The following MTDH variants were observed in gnomAD, a reference collection of about 807,000 sequenced individuals.
MTDH encodes metadherin.
A neutral mutation model predicts 72.7 loss-of-function variants in MTDH; 34 were observed. The ratio of observed to expected loss-of-function variants is 0.47; its 90% confidence interval spans 0.36 to 0.62. The LOEUF is 0.62. Among genes scored for constraint, MTDH ranks in the 20% least tolerant of loss-of-function variants. The probability of loss-of-function intolerance (pLI) is 0.00; values close to 1 mark genes in which losing one functional copy is unlikely to be tolerated. For synonymous variants in MTDH, 266 were observed against 268.9 expected, an observed-to-expected ratio of 0.99 and a Z score of 0.10; for missense variants, 677 against 699.4, an observed-to-expected ratio of 0.97 and a Z score of 0.36.
chr8:97,709,084 A>G (rs1417245225), intron 8 of MTDH, among the ~76,000 whole-genome samples: 1 of 151,238 alleles, frequency 6.6e-6, no homozygotes, highest in African/African-American at 2.4e-5. Context: ...CCATCTACTC[A>G]TGAGGCTGAC....
chr8:97,700,750 C>T (rs906251671), intron 7 of MTDH, among the ~76,000 whole-genome samples: 3 of 152,222 alleles, frequency 2.0e-5, no homozygotes, highest in Non-Finnish European at 4.4e-5. Context: ...GGAAAGTTAT[C>T]TAGCTTTTCC....
At chr8:97,701,685 T>C (rs1015427044) in intron 7 of MTDH, among the ~76,000 whole-genome samples, 1 of 152,154 alleles carries the variant, frequency 6.6e-6, no homozygotes, top group Non-Finnish European at 1.5e-5. Context: ...TATAGGAAAA[T>C]AGCAGTAAGG....
intron 8 of MTDH, among the ~76,000 whole-genome samples, chr8:97,709,203 A>G (rs1179510659): frequency 6.6e-6 from 1 of 152,038 alleles, no homozygotes; most frequent in African/African-American, 2.4e-5. Flanking sequence ...CAAAAAAAAA[A>G]AAAAAACCAC....
intron 2 of MTDH, among the ~76,000 whole-genome samples, chr8:97,670,258 G>A (rs932367472): frequency 6.6e-6 from 1 of 152,258 alleles, no homozygotes; most frequent in African/African-American, 2.4e-5. Flanking sequence ...GGAGCCTGTA[G>A]TGAGCTGAGA....
At chr8:97,692,417 C>A in intron 6 of MTDH, among the ~76,000 whole-genome samples, 1 of 151,598 alleles carries the variant, frequency 6.6e-6, no homozygotes, top group African/African-American at 2.4e-5. Flanking sequence ...GTCGCTGTCA[C>A]GCTGGAGTGC....
intron 11 of MTDH, among the ~76,000 whole-genome samples, chr8:97,723,928 C>T (rs1265690254): frequency 2.0e-5 from 3 of 150,520 alleles, no homozygotes; most frequent in East Asian, 4.0e-4. Flanking sequence ...GCCAACATGG[C>T]GAAACCCCGT....
chr8:97,677,054 A>G (rs1487908739), intron 2 of MTDH, among the ~76,000 whole-genome samples: 3 of 146,014 alleles, frequency 2.1e-5, no homozygotes, highest in Admixed American at 1.4e-4. Context: ...ATGATGACGC[A>G]TGCCTATAGT....
chr8:97,680,360 A>G (rs1239686136), intron 2 of MTDH, among the ~76,000 whole-genome samples: 1 of 152,248 alleles, frequency 6.6e-6, no homozygotes, highest in East Asian at 1.9e-4. Flanking sequence ...AGCATGTACC[A>G]CCGCACCCAG....
At chr8:97,650,272 T>C (rs1811719384) in intron 1 of MTDH, among the ~76,000 whole-genome samples, 1 of 151,042 alleles carries the variant, frequency 6.6e-6, no homozygotes. Flanking sequence ...TTTTCTTATT[T>C]TTATTTTTAA....
At chr8:97,720,892 G>A (rs964620595) in intron 10 of MTDH, among the ~76,000 whole-genome samples, 3 of 151,772 alleles carry the variant, frequency 2.0e-5, no homozygotes, top group African/African-American at 7.3e-5. Context: ...GACCTCAAGT[G>A]ATCCGCCTGC....
intron 2 of MTDH, among the ~76,000 whole-genome samples, chr8:97,680,616 T>C (rs1209650736): frequency 2.0e-5 from 3 of 152,218 alleles, no homozygotes; most frequent in Non-Finnish European, 4.4e-5. Flanking sequence ...ATCTGTATTA[T>C]GTATATGAGA....
At chr8:97,718,951 C>T (rs911344234) in intron 9 of MTDH, 98 bp from the exon 10 acceptor site, 92 of 1,135,310 alleles carry the variant, frequency 8.1e-5, no homozygotes, top group Middle Eastern at 2.5e-4. Flanking sequence ...CCACCTCCGC[C>T]TCCCAGAGTG....
At chr8:97,673,000 C>T (rs1440897708) in intron 2 of MTDH, among the ~76,000 whole-genome samples, 4 of 151,890 alleles carry the variant, frequency 2.6e-5, no homozygotes, top group African/African-American at 7.3e-5. Flanking sequence ...GTGGAGGGAC[C>T]GAATAAGAGT....
intron 1 of MTDH, among the ~76,000 whole-genome samples, chr8:97,651,957 T>C (rs1811789109): frequency 6.6e-6 from 1 of 152,144 alleles, no homozygotes; most frequent in Non-Finnish European, 1.5e-5. Flanking sequence ...TCTAATCTTT[T>C]TCTCACCTCT....
intron 1 of MTDH, among the ~76,000 whole-genome samples, chr8:97,659,779 C>T (rs2130929967): frequency 6.6e-6 from 1 of 152,248 alleles, no homozygotes; most frequent in Non-Finnish European, 1.5e-5. Flanking sequence ...TTGTAGGATC[C>T]AGAAAGACGG....
At chr8:97,713,595 A>C in intron 8 of MTDH, 67 bp from the exon 9 acceptor site, 1 of 885,788 alleles carries the variant, frequency 1.1e-6, no homozygotes, top group Non-Finnish European at 1.7e-6. Flanking sequence ...ATTATTTCAT[A>C]ATAATTTTCT....
chr8:97,695,623 G>T (rs1265136332), intron 6 of MTDH, among the ~76,000 whole-genome samples: 1 of 152,134 alleles, frequency 6.6e-6, no homozygotes, highest in Non-Finnish European at 1.5e-5. Context: ...TCTCATGGAG[G>T]TTTACGTTCT....
chr8:97,684,716 A>G (rs1312080372), intron 2 of MTDH, among the ~76,000 whole-genome samples: 1 of 152,226 alleles, frequency 6.6e-6, no homozygotes, highest in Non-Finnish European at 1.5e-5. Flanking sequence ...CATGGTTGCC[A>G]GTGAGAAAAG....
chr8:97,654,298 T>G (rs1240223064), intron 1 of MTDH, among the ~76,000 whole-genome samples: 1 of 152,240 alleles, frequency 6.6e-6, no homozygotes, highest in African/African-American at 2.4e-5. Flanking sequence ...GTAGTTGCTG[T>G]GTGCATAACA....
Sources: allele counts gnomAD v4.1 joint callset (sites outside exome capture counted in the v4.1 genomes callset), GRCh38; gene constraint gnomAD v4.1.1; transcripts MANE v1.5; gene names NCBI Gene and HGNC (gene_info 2026-07-23, HGNC 2026-07-21).